Variants in ATP10A observed in about 807,000 individuals in gnomAD.
The protein encoded by ATP10A is phospholipid-transporting ATPase VA.
In ATP10A, 111 loss-of-function variants were observed where a neutral mutation model predicts 147.8. That is an observed-to-expected ratio of 0.75 (90% CI 0.64 to 0.88). ATP10A has a LOEUF of 0.88. ATP10A is among the 40% of genes least tolerant of loss of function. The pLI, the probability that ATP10A is intolerant of heterozygous loss-of-function variation, is 0.00. For synonymous variants in ATP10A, 875 were observed against 841.6 expected (o/e 1.04, Z -0.69); for missense variants, 1,927 against 1,959.0 (o/e 0.98, Z 0.31).
At chr15:25,850,036 A>T (rs569330535) in intron 1 of ATP10A, among the ~76,000 whole-genome samples, 1 of 152,332 alleles carries the variant, frequency 6.6e-6, no homozygotes, top group South Asian at 2.1e-4. Flanking sequence ...GAGGGACAAG[A>T]CATACATAAC....
chr15:25,717,043 T>C, intron 8 of ATP10A, 119 bp from the exon 9 acceptor site: 1 of 624,538 alleles, frequency 1.6e-6, no homozygotes, highest in Non-Finnish European at 2.4e-6. Context: ...TCATCTCTCA[T>C]ATACATATAT....
At chr15:25,824,559 GT>G (rs61050447) in intron 1 of ATP10A, among the ~76,000 whole-genome samples, 182 of 120,194 alleles carry the variant, frequency 1.5e-3, no homozygotes, top group Middle Eastern at 8.2e-3. Flanking sequence ...TTTTGTGTGT[GT>G]TTTTTTTTTT....
chr15:25,717,043 T>A, intron 8 of ATP10A, 119 bp from the exon 9 acceptor site: 1 of 624,538 alleles, frequency 1.6e-6, no homozygotes, highest in Non-Finnish European at 2.4e-6. Flanking sequence ...TCATCTCTCA[T>A]ATACATATAT....
chr15:25,812,137 T>C (rs1404296984), intron 1 of ATP10A, among the ~76,000 whole-genome samples: 4 of 152,240 alleles, frequency 2.6e-5, no homozygotes, highest in Non-Finnish European at 5.9e-5. Context: ...AACTGACGCC[T>C]TGGAGTTAAA....
In ATP10A at chr15:25,701,961, C is replaced by G. The variant is rs932405194; in HGVS notation, c.2715G>C (p.Leu905=). 3 of 1,613,124 alleles carry G rather than the reference C, an allele frequency of 1.9e-6. No individual in the cohort carries two copies. Among genetic ancestry groups the G allele is most frequent in the African/African-American group, 2.7e-5 (2 of 74,882 alleles). ...TGATGACCTCCTCGTCGTGGTCCAGCAGTTTGCAGGCATATGCAATGTTGA... is the reference window on the plus strand; with the variant it reads ...TGATGACCTCCTCGTCGTGGTCCAGGAGTTTGCAGGCATATGCAATGTTGA... ...TAVNIAYACK[L]LDHDEEVITL... is the part of the protein sequence containing the mutation. The change falls in exon 13 of 21, where the codon CTG becomes CTC. Residue 905 remains leucine (L), a synonymous_variant. Coordinates refer to ENST00000555815, the MANE Select transcript of ATP10A (RefSeq NM_024490.4).
Position 25,790,653 on chromosome 15 carries a change from C to T in ATP10A, c.450-9430G>A, listed in dbSNP as rs115908484. On this transcript the variant is annotated intron_variant, in intron 1 of 20. Transcript: ENST00000555815. ...ATTTTCCCCAGGAAACACTAGTTTG[C>T]GAAAGCAAAACGATGCCTAAACACA... 2.0e-3 allele frequency among the ~76,000 whole-genome samples: 302 copies of T among 152,304 alleles called. 1 individual carries two copies. Among genetic ancestry groups the T allele is most frequent in the African/African-American group, 6.9e-3 (288 of 41,562 alleles).
intron 1 of ATP10A, 140 bp downstream of exon 1, chr15:25,862,508 C>T: frequency 1.9e-6 from 2 of 1,080,494 alleles, no homozygotes; most frequent in Non-Finnish European, 2.6e-6. Flanking sequence ...GCACCGGGTC[C>T]CGCGCAGCCG....
At chr15:25,691,266 T>G (rs1408874016) in intron 15 of ATP10A, among the ~76,000 whole-genome samples, 1 of 152,202 alleles carries the variant, frequency 6.6e-6, no homozygotes, top group Non-Finnish European at 1.5e-5. Flanking sequence ...AGAGGAAAGA[T>G]GCAGAGGTGA....
chr15:25,840,843 T>C (rs1034689274), intron 1 of ATP10A, among the ~76,000 whole-genome samples: 3 of 152,220 alleles, frequency 2.0e-5, no homozygotes, highest in African/African-American at 4.8e-5. Flanking sequence ...GCCATTCTGA[T>C]AGATGCGCAG....
At chr15:25,702,191 A>G in intron 12 of ATP10A, 91 bp from the exon 13 acceptor site, 1 of 1,337,826 alleles carries the variant, frequency 7.5e-7, no homozygotes, top group Non-Finnish European at 1.0e-6. Context: ...AGATACACCG[A>G]AGGCAGGCAC....
intron 2 of ATP10A, among the ~76,000 whole-genome samples, chr15:25,763,302 A>G (rs1012671414): frequency 1.3e-5 from 2 of 152,196 alleles, no homozygotes; most frequent in African/African-American, 4.8e-5. Flanking sequence ...TTTTAATTCT[A>G]GATCACTAAT....
chr15:25,770,315 C>T (rs1260672132), intron 2 of ATP10A, among the ~76,000 whole-genome samples: 1 of 152,182 alleles, frequency 6.6e-6, no homozygotes, highest in African/African-American at 2.4e-5. Context: ...GCAATGGTGA[C>T]GCTGCTCTGC....
rs113319791 is a variant in ATP10A, at chr15:25,679,762, G to A, written c.4079C>T (p.Pro1360Leu). 1.2e-3 allele frequency: 1,880 copies of A among 1,613,122 alleles called. 5 individuals carry two copies. The highest frequency in any genetic ancestry group is 1.4e-3 in the Non-Finnish European group (1,696 of 1,179,934). Residue 1360 changes from proline to leucine, a missense_variant, in exon 21 of 21, where the codon CCG becomes CTG. By Grantham distance (98) the Pro-to-Leu change is moderately conservative. Transcript: ENST00000555815. ...LSQPSWHTQQ[P>L]VCSLEASGEP... ...CCCGCTGGCCTCCAGGGAGCAGACC[G>A]GCTGCTGTGTGTGCCAAGAAGGCTG...
At chr15:25,829,843 C>A (rs940028774) in intron 1 of ATP10A, among the ~76,000 whole-genome samples, 1 of 152,076 alleles carries the variant, frequency 6.6e-6, no homozygotes, top group Non-Finnish European at 1.5e-5. Context: ...GGTACAGGAC[C>A]CTGTGGGTCA....
chr15:25,711,086 A>T (rs1322114567), intron 10 of ATP10A, among the ~76,000 whole-genome samples: 1 of 151,688 alleles, frequency 6.6e-6, no homozygotes, highest in East Asian at 2.0e-4. Flanking sequence ...TTGAACAGAG[A>T]TCTGTGAGAA....
chr15:25,750,318 A>T (rs542637755), intron 2 of ATP10A, among the ~76,000 whole-genome samples: 1 of 152,268 alleles, frequency 6.6e-6, no homozygotes, highest in South Asian at 2.1e-4. Flanking sequence ...AAATACTGTC[A>T]ACCTAGAATT....
intron 2 of ATP10A, among the ~76,000 whole-genome samples, chr15:25,759,636 T>C (rs1000857186): frequency 3.3e-5 from 5 of 152,010 alleles, no homozygotes; most frequent in Non-Finnish European, 5.9e-5. Context: ...TGAGTTCCTA[T>C]GTCTACACAA....
At chr15:25,752,724 C>A (rs555696060) in intron 2 of ATP10A, among the ~76,000 whole-genome samples, 1 of 152,118 alleles carries the variant, frequency 6.6e-6, no homozygotes, top group Non-Finnish European at 1.5e-5. Flanking sequence ...TGACAGATAG[C>A]GCATTGTATC....
chr15:25,743,138 C>T (rs61998600), intron 2 of ATP10A, among the ~76,000 whole-genome samples: 2,755 of 152,290 alleles, frequency 0.018, 53 homozygotes, highest in Middle Eastern at 0.051. Flanking sequence ...CCATGGACCA[C>T]AGGGCCATTG....
Sources: gnomAD v4.1 joint callset for allele counts (sites outside exome capture counted in the v4.1 genomes callset) on GRCh38, gnomAD v4.1.1 for gene constraint, MANE v1.5 for transcripts, NCBI Gene and HGNC (gene_info 2026-07-23, HGNC 2026-07-21) for gene names.